Variants in SEMA3C observed in about 807,000 individuals in gnomAD.
SEMA3C encodes the protein semaphorin 3C, also known as semaphorin-3C.
SEMA3C carries 47 observed loss-of-function variants against 89.4 expected under a neutral mutation model. The ratio of observed to expected loss-of-function variants is 0.53; its 90% confidence interval spans 0.42 to 0.67. The LOEUF (loss-of-function observed/expected upper bound fraction) is 0.67. SEMA3C is among the 30% of genes least tolerant of loss of function. The pLI, the probability that SEMA3C is intolerant of heterozygous loss-of-function variation, is 0.00. For missense variants in SEMA3C, 839 were observed against 929.1 expected (o/e 0.90, Z 1.26); for synonymous variants, 310 against 320.2 (o/e 0.97, Z 0.34).
chr7:80,755,628 A>G (rs1031450098), intron 15 of SEMA3C, among the ~76,000 whole-genome samples: 17 of 151,920 alleles, frequency 1.1e-4, no homozygotes, highest in Admixed American at 1.3e-4. Context: ...TCTGCTTAAT[A>G]GATTGAAGAT....
intron 2 of SEMA3C, among the ~76,000 whole-genome samples, chr7:80,855,853 T>G (rs538078115): frequency 6.6e-6 from 1 of 152,278 alleles, no homozygotes; most frequent in Non-Finnish European, 1.5e-5. Flanking sequence ...TTGCTTGTGT[T>G]TAGATTTCAC....
At chr7:80,826,506 T>C (rs1034711357) in intron 4 of SEMA3C, among the ~76,000 whole-genome samples, 2 of 152,164 alleles carry the variant, frequency 1.3e-5, no homozygotes, top group African/African-American at 2.4e-5. Flanking sequence ...TAAAGTTGAC[T>C]GGAGTCAGAA....
intron 2 of SEMA3C, among the ~76,000 whole-genome samples, chr7:80,843,835 A>C (rs1434404497): frequency 6.6e-6 from 1 of 152,182 alleles, no homozygotes; most frequent in Non-Finnish European, 1.5e-5. Flanking sequence ...TTATTACAAC[A>C]CAAAAGTAAA....
rs527798711 is a variant in SEMA3C at position 80,888,988 on chromosome 7, C to T, written c.103+27691G>A. 1.5e-3 allele frequency among the ~76,000 whole-genome samples: 230 copies of T among 152,152 alleles called. 1 individual carries two copies. The highest frequency in any genetic ancestry group is 4.5e-3 in the African/African-American group (188 of 41,536). ...AAGTGATTCTCCTGCCTCAGCCTCC[C>T]GAGTAGCTGGGATTAGAGACGTGTG... is the stretch of plus-strand genomic sequence containing the variant. On this transcript the variant is annotated intron_variant, in intron 2 of 17. Transcript: ENST00000265361.
intron 2 of SEMA3C, among the ~76,000 whole-genome samples, chr7:80,854,528 G>C (rs1790588994): frequency 6.6e-6 from 1 of 152,168 alleles, no homozygotes; most frequent in African/African-American, 2.4e-5. Context: ...GTTAGATCCT[G>C]GGTGAGACCA....
chr7:80,916,326 A>G (rs1198268550), intron 2 of SEMA3C, among the ~76,000 whole-genome samples: 3 of 152,170 alleles, frequency 2.0e-5, no homozygotes, highest in Non-Finnish European at 2.9e-5. Context: ...GCTGCTGAGG[A>G]TTAGCACAAA....
chr7:80,787,432 C>G (rs1204987229), intron 12 of SEMA3C, among the ~76,000 whole-genome samples: 1 of 140,332 alleles, frequency 7.1e-6, no homozygotes, highest in Non-Finnish European at 1.5e-5. Context: ...GGACAATAGA[C>G]AGACCCTCAG....
chr7:80,832,297 A>T (rs912454069), intron 2 of SEMA3C, among the ~76,000 whole-genome samples: 5 of 152,182 alleles, frequency 3.3e-5, no homozygotes, highest in South Asian at 2.1e-4. Context: ...TGGGAAAACT[A>T]GCTCATTTCT....
intron 12 of SEMA3C, among the ~76,000 whole-genome samples, chr7:80,786,758 A>T (rs1294999441): frequency 6.6e-6 from 1 of 152,196 alleles, no homozygotes; most frequent in Non-Finnish European, 1.5e-5. Context: ...TATCTTGACA[A>T]ATATTTATTG....
chr7:80,916,236 G>A (rs542017747), intron 2 of SEMA3C, among the ~76,000 whole-genome samples: 10 of 152,260 alleles, frequency 6.6e-5, no homozygotes, highest in East Asian at 1.9e-4. Context: ...AACAACACAC[G>A]GAGTAACCAG....
At position 80,758,488 on chromosome 7, in the gene SEMA3C, G is replaced by A; in HGVS notation, c.1486C>T (p.Gln496Ter). The A allele has an allele frequency of 1.2e-6, 2 of 1,613,092 alleles. No individual in the cohort carries two copies. Among genetic ancestry groups the A allele is most frequent in the Non-Finnish European group, 1.7e-6 (2 of 1,179,222 alleles). ...ITTMKISSKKQQLYVSSNEGV... is the reference protein window; with the variant it reads ...ITTMKISSKK ...TCATTGGAACTCACATACAACTGTT[G>A]CTATTAAAGGAATGATGATGATTTA... Residue 496 changes from glutamine (Q) to a stop codon, truncating the protein, a stop_gained and splice_region_variant, in exon 15 of 18, where the codon CAA becomes TAA. Transcript: ENST00000265361. LOFTEE classifies it high-confidence loss of function.
intron 5 of SEMA3C, among the ~76,000 whole-genome samples, chr7:80,815,206 G>A (rs1789571283): frequency 6.6e-6 from 1 of 152,112 alleles, no homozygotes; most frequent in Admixed American, 6.6e-5. Flanking sequence ...ATAGCAAAGT[G>A]TCCTATGGTC....
intron 2 of SEMA3C, among the ~76,000 whole-genome samples, chr7:80,861,070 C>G (rs1288959765): frequency 6.6e-6 from 1 of 151,978 alleles, no homozygotes; most frequent in African/African-American, 2.4e-5. Flanking sequence ...TGAGAACATA[C>G]CAATATGAAC....
chr7:80,756,227 A>C (rs930898552), intron 15 of SEMA3C, among the ~76,000 whole-genome samples: 10 of 152,168 alleles, frequency 6.6e-5, no homozygotes, highest in African/African-American at 2.2e-4. Context: ...CCTAATGTTC[A>C]GTTCTGACAA....
rs1227563228 is a variant in SEMA3C, at chr7:80,891,419, C to T, written c.103+25260G>A. On this transcript the variant is annotated intron_variant, in intron 2 of 17. Coordinates refer to ENST00000265361, the MANE Select transcript of SEMA3C (RefSeq NM_006379.5). Reference sequence around the variant, plus strand: ...TAGTAGCAACAGCCTAGAGGAAGAGCTTATCTTCTCCATCCCCCTTAAATT... The same window carrying T: ...TAGTAGCAACAGCCTAGAGGAAGAGTTTATCTTCTCCATCCCCCTTAAATT... 2.0e-5 allele frequency among the ~76,000 whole-genome samples: 3 copies of T among 152,074 alleles called. No homozygotes were observed. In the East Asian group the frequency reaches 5.8e-4, roughly 30 times the overall value.
chr7:80,811,303 T>C (rs1789463745), intron 5 of SEMA3C, among the ~76,000 whole-genome samples: 1 of 152,110 alleles, frequency 6.6e-6, no homozygotes, highest in East Asian at 1.9e-4. Context: ...CTAAAATCTT[T>C]GTCCTCAAGT....
At chr7:80,866,058 C>A (rs1400473815) in intron 2 of SEMA3C, among the ~76,000 whole-genome samples, 1 of 152,064 alleles carries the variant, frequency 6.6e-6, no homozygotes. Context: ...TTTAAATAAC[C>A]TTTATGTAAA....
chr7:80,919,276 C>A (rs1451232368), upstream of SEMA3C: 3 of 984,030 alleles, frequency 3.0e-6, no homozygotes, highest in Non-Finnish European at 3.6e-6. Flanking sequence ...CCTTAGAGCT[C>A]GCGGCTGGCC....
At chr7:80,833,587 C>T (rs1055664103) in intron 2 of SEMA3C, among the ~76,000 whole-genome samples, 2 of 151,992 alleles carry the variant, frequency 1.3e-5, no homozygotes, top group African/African-American at 4.8e-5. Flanking sequence ...TCTAGTTTTC[C>T]GAGCCATAAA....
Sources: gnomAD v4.1 joint callset for allele counts (sites outside exome capture counted in the v4.1 genomes callset) on GRCh38, gnomAD v4.1.1 for gene constraint, MANE v1.5 for transcripts, NCBI Gene and HGNC (gene_info 2026-07-23, HGNC 2026-07-21) for gene names.